Variants in ROR2 observed in about 807,000 individuals in gnomAD.
ROR2 encodes the protein tyrosine-protein kinase transmembrane receptor ROR2.
ROR2 carries 33 observed loss-of-function variants against 74.9 expected under a neutral mutation model. The ratio of observed to expected loss-of-function variants is 0.44; its 90% confidence interval spans 0.33 to 0.59. The LOEUF is 0.59. ROR2 is among the 20% of genes least tolerant of loss of function. ROR2 has a pLI of 0.02. For missense variants in ROR2, 1,216 were observed against 1,313.8 expected (o/e 0.93, Z 1.15); for synonymous variants, 586 against 558.7 (o/e 1.05, Z -0.69).
chr9:91,747,795 GA>G (rs1825472902), intron 4 of ROR2, among the ~76,000 whole-genome samples: 1 of 152,154 alleles, frequency 6.6e-6, no homozygotes, highest in African/African-American at 2.4e-5. Context: ...GGTCACTGGG[GA>G]AAAGAAACTC....
At chr9:91,764,956 G>A (rs925510942) in intron 2 of ROR2, among the ~76,000 whole-genome samples, 1 of 151,954 alleles carries the variant, frequency 6.6e-6, no homozygotes, top group South Asian at 2.1e-4. Context: ...CCCCTTCTTA[G>A]GCTATTTTCA....
chr9:91,834,277 A>T (rs1231488434), intron 1 of ROR2, among the ~76,000 whole-genome samples: 1 of 151,994 alleles, frequency 6.6e-6, no homozygotes, highest in Admixed American at 6.6e-5. Context: ...GCTGTGTTTC[A>T]TCTCCTCCCT....
At chr9:91,935,705 G>A (rs10992173) in intron 1 of ROR2, among the ~76,000 whole-genome samples, 10,653 of 152,188 alleles carry the variant, frequency 0.07, 669 homozygotes, top group East Asian at 0.24. Context: ...ACCCACCCCC[G>A]GAGAGCTGCC....
At chr9:91,788,012 T>C (rs1826855962) in intron 1 of ROR2, among the ~76,000 whole-genome samples, 2 of 152,178 alleles carry the variant, frequency 1.3e-5, no homozygotes, top group Admixed American at 6.5e-5. Flanking sequence ...TCTTCCTGAA[T>C]AGAGAATAGT....
chr9:91,810,014 G>T (rs1485388076), intron 1 of ROR2, among the ~76,000 whole-genome samples: 1 of 152,240 alleles, frequency 6.6e-6, no homozygotes, highest in East Asian at 1.9e-4. Flanking sequence ...CACACAGGCT[G>T]CTCAGCGACT....
At chr9:91,814,677 C>G (rs1173686492) in intron 1 of ROR2, among the ~76,000 whole-genome samples, 1 of 152,232 alleles carries the variant, frequency 6.6e-6, no homozygotes, top group African/African-American at 2.4e-5. Flanking sequence ...AATGGTAGGG[C>G]ATTACCACCA....
At chr9:91,816,570 C>T (rs1375717415) in intron 1 of ROR2, among the ~76,000 whole-genome samples, 1 of 152,160 alleles carries the variant, frequency 6.6e-6, no homozygotes, top group African/African-American at 2.4e-5. Flanking sequence ...CCACCTCCCC[C>T]CGCCAGGCTT....
At chr9:91,938,789 A>G (rs1233090795) in intron 1 of ROR2, among the ~76,000 whole-genome samples, 1 of 152,198 alleles carries the variant, frequency 6.6e-6, no homozygotes, top group African/African-American at 2.4e-5. Context: ...GTAGATCCCC[A>G]TATTGACTTG....
chr9:91,840,788 G>T (rs763942185), intron 1 of ROR2, among the ~76,000 whole-genome samples: 1 of 152,196 alleles, frequency 6.6e-6, no homozygotes, highest in South Asian at 2.1e-4. Context: ...TCCCCTCTGC[G>T]TGTCCAAATG....
intron 2 of ROR2, among the ~76,000 whole-genome samples, chr9:91,771,690 C>CTCTCTG (rs1259985660): frequency 6.6e-6 from 1 of 150,940 alleles, no homozygotes. Flanking sequence ...GAGAATCTCT[C>CTCTCTG]TCTCTGTCTC....
At chr9:91,780,207 C>T (rs1826563648) in intron 1 of ROR2, among the ~76,000 whole-genome samples, 1 of 152,086 alleles carries the variant, frequency 6.6e-6, no homozygotes, top group Non-Finnish European at 1.5e-5. Context: ...GAAACCCCGT[C>T]TCTACTAAAA....
At chr9:91,908,238 C>T (rs1215412486) in intron 1 of ROR2, among the ~76,000 whole-genome samples, 5 of 152,184 alleles carry the variant, frequency 3.3e-5, no homozygotes, top group Non-Finnish European at 5.9e-5. Context: ...CCAAGGGAGA[C>T]AATGGGACAC....
rs190161773 is a variant in ROR2 at position 91,905,725 on chromosome 9, A to G, written c.97+44142T>C. Among the ~76,000 whole-genome samples, 1 of 137,264 alleles carries G rather than the reference A, an allele frequency of 7.3e-6. No homozygotes were observed. The highest frequency in any genetic ancestry group is 2.6e-5 in the African/African-American group (1 of 38,202). The allele number at this position is 137,264 out of a possible 152,430, so 90.1% of individuals were successfully genotyped here. A position where few individuals can be genotyped will look rare whatever the true frequency, so the allele number is the denominator to read the frequency against. On this transcript the variant is annotated intron_variant, in intron 1 of 8. Transcript: ENST00000375708. This position sits in a 1 kb window ranked among gnomAD's most constrained non-coding sequence, Gnocchi z 5.3. ...CCACAAACCCCACTACATGGTAGAT[A>G]AATGGGGGTGGGGGGAGGGGCCATC...
intron 1 of ROR2, among the ~76,000 whole-genome samples, chr9:91,911,498 G>T (rs752869886): frequency 6.7e-6 from 1 of 149,412 alleles, no homozygotes. Context: ...GCTGTTGACC[G>T]AAACATTACG....
At chr9:91,835,981 C>G (rs1439602484) in intron 1 of ROR2, among the ~76,000 whole-genome samples, 1 of 152,228 alleles carries the variant, frequency 6.6e-6, no homozygotes, top group African/African-American at 2.4e-5. Context: ...AAACAGCTTT[C>G]CCCAGCCGTG....
intron 1 of ROR2, among the ~76,000 whole-genome samples, chr9:91,778,545 G>C (rs750890344): frequency 2.0e-5 from 3 of 152,238 alleles, no homozygotes; most frequent in Non-Finnish European, 2.9e-5. Context: ...GGAGGAGCAA[G>C]AGAAGAGGCC....
chr9:91,775,847 A>T (rs754933125), intron 1 of ROR2, 29 bp from the exon 2 acceptor site: 2 of 1,605,740 alleles, frequency 1.2e-6, no homozygotes, highest in Non-Finnish European at 1.7e-6. Flanking sequence ...GATAGGTATT[A>T]AACAAGTTTT....
At chr9:91,747,729 T>A (rs1015491845) in intron 4 of ROR2, among the ~76,000 whole-genome samples, 2 of 152,128 alleles carry the variant, frequency 1.3e-5, no homozygotes, top group African/African-American at 4.8e-5. Context: ...AGAGATATCG[T>A]AAGCATATCA....
chr9:91,785,124 G>C (rs1393189200), intron 1 of ROR2, among the ~76,000 whole-genome samples: 2 of 152,142 alleles, frequency 1.3e-5, no homozygotes, highest in African/African-American at 4.8e-5. Flanking sequence ...GTTTGCTCCT[G>C]GGGTGGCCTC....
Sources: allele counts gnomAD v4.1 joint callset (sites outside exome capture counted in the v4.1 genomes callset), GRCh38; gene constraint gnomAD v4.1.1; non-coding constraint Gnocchi (gnomAD v3.1); transcripts MANE v1.5; gene names NCBI Gene and HGNC (gene_info 2026-07-23, HGNC 2026-07-21).